Variants in EPS15L1 observed in about 807,000 individuals in gnomAD.
EPS15L1 encodes the protein epidermal growth factor receptor substrate 15-like 1.
In EPS15L1, 43 loss-of-function variants were observed where a neutral mutation model predicts 117.1. That is an observed-to-expected ratio of 0.37 (90% CI 0.29 to 0.47). EPS15L1 has a LOEUF of 0.47. Among genes scored for constraint, EPS15L1 ranks in the 20% least tolerant of loss-of-function variants. The probability of loss-of-function intolerance (pLI) is 0.99; values close to 1 mark genes in which losing one functional copy is unlikely to be tolerated. For missense variants in EPS15L1, 981 were observed against 1,164.0 expected (o/e 0.84, Z 2.29); for synonymous variants, 459 against 470.5 (o/e 0.98, Z 0.32).
At chr19:16,436,313 T>G in intron 6 of EPS15L1, among the ~76,000 whole-genome samples, 1 of 152,326 alleles carries the variant, frequency 6.6e-6, no homozygotes, top group South Asian at 2.1e-4. Flanking sequence ...CTGATGTTAC[T>G]TGGAGGGACC....
chr19:16,401,740 C>G (rs1423534454), intron 16 of EPS15L1: 2 of 985,400 alleles, frequency 2.0e-6, no homozygotes, highest in African/African-American at 3.5e-5. Context: ...GATCACAACT[C>G]CAGGGTCATG....
chr19:16,364,324 G>A (rs2092102284), intron 22 of EPS15L1, among the ~76,000 whole-genome samples: 2 of 152,194 alleles, frequency 1.3e-5, no homozygotes, highest in African/African-American at 4.8e-5. Flanking sequence ...CCCAGCCCAC[G>A]CGGGCAGGAC....
At chr19:16,392,774 C>T (rs577478155) in intron 18 of EPS15L1, among the ~76,000 whole-genome samples, 8 of 152,182 alleles carry the variant, frequency 5.3e-5, no homozygotes, top group African/African-American at 1.7e-4. Context: ...AATATCCTGG[C>T]CAGGCACAAT....
intron 7 of EPS15L1, among the ~76,000 whole-genome samples, chr19:16,429,655 A>C (rs2092910132): frequency 6.6e-6 from 1 of 151,822 alleles, no homozygotes; most frequent in Non-Finnish European, 1.5e-5. Flanking sequence ...CAGAACACAC[A>C]CCTGACCCTG....
At chr19:16,445,913 A>G (rs2093078778) in intron 1 of EPS15L1, among the ~76,000 whole-genome samples, 1 of 152,228 alleles carries the variant, frequency 6.6e-6, no homozygotes, top group African/African-American at 2.4e-5. Context: ...CACTGTGCTG[A>G]GAAGACGCCA....
Position 16,417,573 on chromosome 19 carries a change from T to C in EPS15L1, c.1172A>G (p.Gln391Arg), listed in dbSNP as rs765647333. 5.0e-6 allele frequency: 8 copies of C among 1,614,026 alleles called. No individual in the cohort carries two copies. Among genetic ancestry groups the C allele is most frequent in the Non-Finnish European group, 6.8e-6 (8 of 1,179,984 alleles). The change falls in exon 12 of 24, where the codon CAA becomes CGA. Residue 391 changes from glutamine (Q) to arginine (R), a missense_variant. Around this residue, in one of 5 missense-constraint regions of EPS15L1, gnomAD observed 819 missense variants for 949.0 expected, o/e 0.86. Coordinates refer to ENST00000455140, the MANE Select transcript of EPS15L1 (RefSeq NM_001258374.3). ...TGVKELDDIS[Q>R]EIAQLQREKY... ...ATACCTTTGTAACTGGGCAATCTCT[T>C]GACTGATGTCATCAAGCTCCTTCAC...
At chr19:16,440,173 C>T (rs770968446) in intron 4 of EPS15L1, among the ~76,000 whole-genome samples, 5 of 151,986 alleles carry the variant, frequency 3.3e-5, no homozygotes, top group Non-Finnish European at 5.9e-5. Context: ...TGGCTCATGC[C>T]CATAATCCCA....
Position 16,362,511 on chromosome 19 carries a change from C to CTTT in EPS15L1, c.2381-530_2381-528dup, listed in dbSNP as rs71178690. Among the ~76,000 whole-genome samples the CTTT allele has an allele frequency of 5.0e-4, 28 of 56,068 alleles. 1 individual carries two copies. The highest frequency in any genetic ancestry group is 1.0e-3 in the East Asian group (2 of 1,922). 36.8% of individuals were successfully genotyped at this position (56,068 alleles called of 152,430 possible). A position where few individuals can be genotyped will look rare whatever the true frequency, so the allele number is the denominator to read the frequency against. ...GCTCTGCCATGCTGAGGTTTAAGTT[C>CTTT]TTTTTTTTTTTTTTTTTTTTTTTTT... On this transcript the variant is annotated intron_variant, in intron 22 of 23. Transcript: ENST00000455140.
At chr19:16,457,541 C>G (rs1185039823) in intron 1 of EPS15L1, among the ~76,000 whole-genome samples, 1 of 152,074 alleles carries the variant, frequency 6.6e-6, no homozygotes, top group Non-Finnish European at 1.5e-5. Context: ...ACCAGGGCAG[C>G]TGGGTCCTGG....
chr19:16,395,901 C>T (rs1014988865), intron 16 of EPS15L1, among the ~76,000 whole-genome samples: 5 of 143,084 alleles, frequency 3.5e-5, no homozygotes, highest in African/African-American at 5.4e-5. Context: ...GCTGAGATTA[C>T]GCCATTGCGC....
At chr19:16,429,121 T>C (rs914097267) in intron 7 of EPS15L1, among the ~76,000 whole-genome samples, 1 of 152,170 alleles carries the variant, frequency 6.6e-6, no homozygotes, top group Non-Finnish European at 1.5e-5. Context: ...CCACACTCCC[T>C]ATGCTCACTC....
chr19:16,421,972 C>T (rs866319551), intron 9 of EPS15L1, among the ~76,000 whole-genome samples: 2 of 152,146 alleles, frequency 1.3e-5, no homozygotes, highest in South Asian at 2.1e-4. Context: ...ATGTCCCTGC[C>T]CCACTCCTGA....
At chr19:16,399,770 C>T (rs1460936281) in intron 16 of EPS15L1, among the ~76,000 whole-genome samples, 1 of 151,872 alleles carries the variant, frequency 6.6e-6, no homozygotes, top group Non-Finnish European at 1.5e-5. Flanking sequence ...AATCCTCCCA[C>T]CTCAGCCTCC....
chr19:16,428,590 A>G, intron 8 of EPS15L1, 112 bp downstream of exon 8: 1 of 702,676 alleles, frequency 1.4e-6, no homozygotes, highest in Non-Finnish European at 2.4e-6. Context: ...AAAGAAAAGA[A>G]AAGAAAAGAA....
rs1412292218 is a variant in EPS15L1 at position 16,371,185 on chromosome 19, C to T, written c.2380+5937G>A. On this transcript the variant is annotated intron_variant, in intron 22 of 23. Coordinates refer to ENST00000455140, the MANE Select transcript of EPS15L1 (RefSeq NM_001258374.3). This position sits in a 1 kb window ranked among gnomAD's most constrained non-coding sequence, Gnocchi z 4.7. ...ATGGGCACATGATGGGGAGAGGTCA[C>T]TGAGCCCTGGTTTCGATGTTGGCCT... Among the ~76,000 whole-genome samples the T allele has an allele frequency of 2.6e-5, 4 of 152,100 alleles. No individual in the cohort carries two copies. The highest frequency in any genetic ancestry group is 4.4e-5 in the Non-Finnish European group (3 of 68,012).
In EPS15L1 at chr19:16,395,466, T is replaced by C. The variant is rs1314904698; in HGVS notation, c.1793A>G (p.Asp598Gly). Residue 598 changes from aspartate (D) to glycine (G), a missense_variant and splice_region_variant, in exon 17 of 24, where the codon GAT becomes GGT. Asp to Gly is a moderately conservative substitution (Grantham distance 94). Coordinates refer to ENST00000455140, the MANE Select transcript of EPS15L1 (RefSeq NM_001258374.3). ...CAAGGCTTTATTTTTGAAAGGATCA[T>C]CCTACAATTTTGTGAAGAAACAGGA... is the stretch of plus-strand genomic sequence containing the variant. ...LAERGSFGAM[D>G]DPFKNKALLF... 2 of 1,613,274 alleles carry C rather than the reference T, an allele frequency of 1.2e-6. No homozygotes were observed. The highest frequency in any genetic ancestry group is 1.7e-5 in the Admixed American group (1 of 59,900).
At chr19:16,432,562 T>C (rs1436449553) in intron 7 of EPS15L1, among the ~76,000 whole-genome samples, 12 of 151,700 alleles carry the variant, frequency 7.9e-5, no homozygotes, top group Admixed American at 7.9e-4. Flanking sequence ...AGCGAGACTC[T>C]GTCTCAAATA....
Position 16,398,208 on chromosome 19 carries a change from G to A in EPS15L1, c.1792-2741C>T, listed in dbSNP as rs561515006. Among the ~76,000 whole-genome samples the A allele has an allele frequency of 3.1e-4, 47 of 152,300 alleles. No individual in the cohort carries two copies. The South Asian group carries it at 8.1e-3, about 26-fold the overall frequency. Reference sequence around the variant, plus strand: ...ATGAGTGTGAATCAGCATGAGTGCCGCTTCCTCGGCCCCCACTTCAGGAGA... The same window carrying A: ...ATGAGTGTGAATCAGCATGAGTGCCACTTCCTCGGCCCCCACTTCAGGAGA... On this transcript the variant is annotated intron_variant, in intron 16 of 23. Coordinates refer to ENST00000455140, the MANE Select transcript of EPS15L1 (RefSeq NM_001258374.3).
At position 16,455,753 on chromosome 19, in the gene EPS15L1, CG is replaced by C. The variant is rs567600574; in HGVS notation, c.34-13535del. Among the ~76,000 whole-genome samples, 39 of 152,288 alleles carry C rather than the reference CG, an allele frequency of 2.6e-4. No individual in the cohort carries two copies. The South Asian group carries it at 8.1e-3, about 32-fold the overall frequency. On this transcript the variant is annotated intron_variant, in intron 1 of 23. Transcript: ENST00000455140. ...AGATGAGGGTGAGCACTCCCACCCC[CG>C]GGGACTTGTCAATCACCGGCTGTTG...
Sources: allele counts gnomAD v4.1 joint callset (sites outside exome capture counted in the v4.1 genomes callset), GRCh38; gene constraint gnomAD v4.1.1; regional missense constraint gnomAD v4.1.1; non-coding constraint Gnocchi (gnomAD v3.1); transcripts MANE v1.5; gene names NCBI Gene and HGNC (gene_info 2026-07-23, HGNC 2026-07-21).